PHACTR2: variants seen among roughly 807,000 people sequenced by gnomAD.
PHACTR2 encodes chromosome 6 open reading frame 56.
PHACTR2 carries 30 observed loss-of-function variants against 76.0 expected under a neutral mutation model. The observed-to-expected ratio is 0.39, with a 90% CI of 0.30 to 0.54. The LOEUF is 0.54. Ranked by LOEUF, PHACTR2 falls within the 20% of genes least tolerant of loss-of-function variation. The pLI is 0.61. For synonymous variants in PHACTR2, 292 were observed against 292.5 expected (o/e 1.00, Z 0.02); for missense variants, 696 against 781.1 (o/e 0.89, Z 1.30).
rs1327202993 is a variant in PHACTR2 at position 143,791,748 on chromosome 6, G to A, written c.1845+2838G>A. 6.6e-6 allele frequency among the ~76,000 whole-genome samples: 1 copy of A among 151,628 alleles called. No individual in the cohort carries two copies. The highest frequency in any genetic ancestry group is 1.5e-5 in the Non-Finnish European group (1 of 67,958). The stretch of plus-strand genomic sequence containing the variant: ...TTAATTTTGCTTCATTTATTGTGAG[G>A]TGTATCATTAGATATATATGTTTAG... On this transcript the variant is annotated intron_variant, in intron 11 of 12. Transcript: ENST00000440869. The surrounding 1 kb of genome is among the most constrained non-coding windows in gnomAD (Gnocchi z 4.7).
intron 2 of PHACTR2, among the ~76,000 whole-genome samples, chr6:143,728,169 G>C (rs55919920): frequency 7.5e-6 from 1 of 134,126 alleles, no homozygotes; most frequent in East Asian, 2.2e-4. Context: ...TCTTTCTTTC[G>C]TTCATTCGTT....
intron 2 of PHACTR2, among the ~76,000 whole-genome samples, chr6:143,725,149 GT>G (rs1450620826): frequency 2.7e-5 from 4 of 146,760 alleles, no homozygotes; most frequent in Non-Finnish European, 6.0e-5. Flanking sequence ...CGCTACCACA[GT>G]CAGGATATAT....
intron 6 of PHACTR2, among the ~76,000 whole-genome samples, chr6:143,771,131 CAT>C (rs199629350): frequency 0.039 from 2,742 of 71,086 alleles, 195 homozygotes; most frequent in African/African-American, 0.13. Flanking sequence ...ATGTACTTTA[CAT>C]ATATATATAT....
At position 143,827,231 on chromosome 6, in the gene PHACTR2, AAG is replaced by A. The variant is rs1320786274; in HGVS notation, c.*3545_*3546del. The A allele has an allele frequency of 1.4e-5, 2 of 143,352 alleles. No individual in the cohort carries two copies. The highest frequency in any genetic ancestry group is 2.6e-5 in the African/African-American group (1 of 39,156). The allele number at this position is 143,352 out of a possible 1,614,324, so 8.9% of individuals were successfully genotyped here. ...TATATATACAGTAGCTTACACTTAA[AAG>A]AGGAAAAATTTGCATTAACATTGCA... On this transcript the variant is annotated 3_prime_UTR_variant, in exon 13 of 13. Transcript: ENST00000440869.
At chr6:143,770,590 A>T (rs1411679702) in intron 6 of PHACTR2, among the ~76,000 whole-genome samples, 1 of 152,228 alleles carries the variant, frequency 6.6e-6, no homozygotes, top group African/African-American at 2.4e-5. Flanking sequence ...TTTTTCTGAT[A>T]AGTGAGAAAC....
Position 143,617,036 on chromosome 6 carries a change from G to A in PHACTR2, c.13+8714G>A, listed in dbSNP as rs7772039. 7.4e-3 allele frequency among the ~76,000 whole-genome samples: 1,129 copies of A among 152,330 alleles called. 20 individuals are homozygous for A. Among genetic ancestry groups the A allele is most frequent in the African/African-American group, 0.024 (1,010 of 41,566 alleles). On this transcript the variant is annotated intron_variant, in intron 1 of 11. Transcript: ENST00000305766. The surrounding 1 kb of genome is among the most constrained non-coding windows in gnomAD (Gnocchi z 4.8). ...GCCTCTGTCCTACCAGCTTTCAGGA[G>A]CCTTTGAAGGGTTTTACGAGACTGG...
rs1028562394 is a variant in PHACTR2 at position 143,647,790 on chromosome 6, A to C, written c.13+39468A>C. The stretch of plus-strand genomic sequence containing the variant: ...TGTGCTGGGAATAGGCTTGTGTCTG[A>C]GAACCACAAAAAAAGCCAGTGTGGC... On this transcript the variant is annotated intron_variant, in intron 1 of 11. Transcript: ENST00000305766. The surrounding 1 kb of genome is among the most constrained non-coding windows in gnomAD (Gnocchi z 4.2). Among the ~76,000 whole-genome samples the C allele has an allele frequency of 2.6e-5, 4 of 152,202 alleles. No individual in the cohort carries two copies. The highest frequency in any genetic ancestry group is 1.3e-4 in the Admixed American group (2 of 15,286).
chr6:143,661,629 G>A (rs1776947809), intron 1 of PHACTR2, among the ~76,000 whole-genome samples: 1 of 150,382 alleles, frequency 6.6e-6, no homozygotes, highest in Admixed American at 6.6e-5. Context: ...CACAATCTCG[G>A]CTCACTACAA....
intron 6 of PHACTR2, among the ~76,000 whole-genome samples, chr6:143,769,923 C>T (rs1775057125): frequency 6.6e-6 from 1 of 152,124 alleles, no homozygotes; most frequent in African/African-American, 2.4e-5. Context: ...GATGAGATTT[C>T]ACACTGTGGA....
In PHACTR2 at chr6:143,597,242, G is replaced by C. The variant is rs1040644289; in HGVS notation, c.217+60035G>C. On this transcript the variant is annotated intron_variant, in intron 1 of 11. Transcript: ENST00000367584. This position sits in a 1 kb window ranked among gnomAD's most constrained non-coding sequence, Gnocchi z 5.7. ...CCAAGAAATGAAAGACATACCATTC[G>C]TGAGCTGCTTGCTGTCCCTCCCTTG... Among the ~76,000 whole-genome samples the C allele has an allele frequency of 2.0e-5, 3 of 152,178 alleles. No homozygotes were observed.
chr6:143,725,109 A>T (rs186540402), intron 2 of PHACTR2, among the ~76,000 whole-genome samples: 3 of 151,920 alleles, frequency 2.0e-5, no homozygotes. Flanking sequence ...TAGTGCTAAG[A>T]ATTTTAATAT....
At position 143,627,632 on chromosome 6, in the gene PHACTR2, C is replaced by T. The variant is rs560407553; in HGVS notation, c.13+19310C>T. Among the ~76,000 whole-genome samples, 3 of 146,266 alleles carry T rather than the reference C, an allele frequency of 2.1e-5. No homozygotes were observed. Among genetic ancestry groups the T allele is most frequent in the Non-Finnish European group, 3.0e-5 (2 of 66,720 alleles). ...TTTTTTTTTTTTTGAGAAGAAGTCTCGCTCTGTCACCCAGGCTGGAATGCA... is the reference window on the plus strand; with the variant it reads ...TTTTTTTTTTTTTGAGAAGAAGTCTTGCTCTGTCACCCAGGCTGGAATGCA... On this transcript the variant is annotated intron_variant, in intron 1 of 11. Coordinates refer to the PHACTR2 transcript ENST00000305766. The surrounding 1 kb of genome is among the most constrained non-coding windows in gnomAD (Gnocchi z 4.3).
In PHACTR2 at chr6:143,789,706, CA is replaced by C. The variant is rs1775632973; in HGVS notation, c.1845+797del. On this transcript the variant is annotated intron_variant, in intron 11 of 12. Coordinates refer to ENST00000440869, the MANE Select transcript of PHACTR2 (RefSeq NM_001100164.2). This position sits in a 1 kb window ranked among gnomAD's most constrained non-coding sequence, Gnocchi z 5.1. The stretch of plus-strand genomic sequence containing the variant: ...CATAAGTACTTTTGCTTAAACATGC[CA>C]CATCTTAATGCTAAAACTAGGCATT... Among the ~76,000 whole-genome samples, 1 of 152,048 alleles carries C rather than the reference CA, an allele frequency of 6.6e-6. No individual in the cohort carries two copies. The highest frequency in any genetic ancestry group is 6.6e-5 in the Admixed American group (1 of 15,252).
intron 1 of PHACTR2, among the ~76,000 whole-genome samples, chr6:143,542,838 C>T (rs995702678): frequency 2.6e-5 from 4 of 152,322 alleles, no homozygotes; most frequent in African/African-American, 9.6e-5. Context: ...GATTTGTTGC[C>T]TTTGATCAGA....
rs1464782087 is a variant in PHACTR2 at position 143,617,522 on chromosome 6, C to T, written c.13+9200C>T. ...CCGGGACTTTGGAGTGGGGTCAGGA[C>T]ATTGGTGTTTGTTTAAAAGCTCCCC... is the stretch of plus-strand genomic sequence containing the variant. On this transcript the variant is annotated intron_variant, in intron 1 of 11. Coordinates refer to the PHACTR2 transcript ENST00000305766. This position sits in a 1 kb window ranked among gnomAD's most constrained non-coding sequence, Gnocchi z 4.8. 6.6e-6 allele frequency among the ~76,000 whole-genome samples: 1 copy of T among 152,176 alleles called. No individual in the cohort carries two copies. The highest frequency in any genetic ancestry group is 1.5e-5 in the Non-Finnish European group (1 of 68,034).
At position 143,783,348 on chromosome 6, in the gene PHACTR2, C is replaced by G. The variant is rs1775476769; in HGVS notation, c.1707+68C>G. 1 of 868,524 alleles carries G rather than the reference C, an allele frequency of 1.2e-6. No individual in the cohort carries two copies. Among genetic ancestry groups the G allele is most frequent in the Non-Finnish European group, 1.9e-6 (1 of 525,874 alleles). 53.8% of individuals were successfully genotyped at this position (868,524 alleles called of 1,614,324 possible). On this transcript the variant is annotated intron_variant, in intron 10 of 12. Transcript: ENST00000440869. This position sits in a 1 kb window ranked among gnomAD's most constrained non-coding sequence, Gnocchi z 5.2. Reference sequence around the variant, plus strand: ...TATACTTTTAAAAAAAAATACTAATCCTCTCTGTATGTGTAAATCAGATGT... The same window carrying G: ...TATACTTTTAAAAAAAAATACTAATGCTCTCTGTATGTGTAAATCAGATGT...
Position 143,789,410 on chromosome 6 carries a change from C to T in PHACTR2, c.1845+500C>T, listed in dbSNP as rs2128479861. 6.6e-6 allele frequency: 1 copy of T among 152,566 alleles called. No individual in the cohort carries two copies. Among genetic ancestry groups the T allele is most frequent in the East Asian group, 1.9e-4 (1 of 5,196 alleles). The allele number at this position is 152,566 out of a possible 1,614,324, so 9.5% of individuals were successfully genotyped here. On this transcript the variant is annotated intron_variant, in intron 11 of 12. Transcript: ENST00000440869. This position sits in a 1 kb window ranked among gnomAD's most constrained non-coding sequence, Gnocchi z 5.1. ...TAATTGAATGGATATGTATATGCTC[C>T]AATAAAACTTTATCTACAAAAACAG...
chr6:143,596,169 T>C lies in PHACTR2; in HGVS notation c.217+58962T>C, dbSNP rs1157722737. Among the ~76,000 whole-genome samples the C allele has an allele frequency of 6.6e-6, 1 of 152,236 alleles. No individual in the cohort carries two copies. The highest frequency in any genetic ancestry group is 1.5e-5 in the Non-Finnish European group (1 of 68,022). On this transcript the variant is annotated intron_variant, in intron 1 of 11. Transcript: ENST00000367584. This position sits in a 1 kb window ranked among gnomAD's most constrained non-coding sequence, Gnocchi z 4.6. ...CACTATCCACATGTTAATTGAATCT[T>C]GATCCTCAGGCCTGCAAAACTGGCC...
chr6:143,736,293 C>G (rs983196373), intron 2 of PHACTR2, among the ~76,000 whole-genome samples: 1 of 151,164 alleles, frequency 6.6e-6, no homozygotes, highest in Admixed American at 6.7e-5. Context: ...AGTAAACTAG[C>G]GAGGCACAGA....
Sources: gnomAD v4.1 joint callset for allele counts (sites outside exome capture counted in the v4.1 genomes callset) on GRCh38, gnomAD v4.1.1 for gene constraint, Gnocchi (gnomAD v3.1) non-coding constraint, MANE v1.5 for transcripts, NCBI Gene and HGNC (gene_info 2026-07-23, HGNC 2026-07-21) for gene names.